Variants in EXT1 observed in about 807,000 individuals in gnomAD.
The protein encoded by EXT1 is exostosin glycosyltransferase 1, also known as exostosin-1.
A neutral mutation model predicts 82.5 loss-of-function variants in EXT1; 20 were observed. The ratio of observed to expected loss-of-function variants is 0.24; its 90% CI spans 0.17 to 0.35. EXT1 has a LOEUF of 0.35. EXT1 is among the 10% of genes least tolerant of loss of function. The pLI, the probability that EXT1 is intolerant of heterozygous loss-of-function variation, is 1.00. For synonymous variants in EXT1, 348 were observed against 350.8 expected (o/e 0.99, Z 0.09); for missense variants, 757 against 936.5 (o/e 0.81, Z 2.50).
intron 1 of EXT1, among the ~76,000 whole-genome samples, chr8:118,085,246 C>T (rs914143698): frequency 5.3e-5 from 8 of 152,142 alleles, no homozygotes; most frequent in African/African-American, 1.7e-4. Flanking sequence ...TGGTGTCTGT[C>T]CTCTCTCCCA....
At chr8:117,833,576 T>C (rs1009650646) in intron 3 of EXT1, among the ~76,000 whole-genome samples, 3 of 150,760 alleles carry the variant, frequency 2.0e-5, no homozygotes, top group East Asian at 2.0e-4. Context: ...GATCATGCCA[T>C]GGCACTCCAG....
At chr8:117,991,111 C>CT (rs771949980) in intron 1 of EXT1, among the ~76,000 whole-genome samples, 8,636 of 143,730 alleles carry the variant, frequency 0.06, 812 homozygotes, top group African/African-American at 0.2. Flanking sequence ...ACTTCGATGT[C>CT]TTTTTTTTTT....
intron 1 of EXT1, among the ~76,000 whole-genome samples, chr8:117,980,426 G>T (rs919912486): frequency 2.6e-5 from 4 of 152,148 alleles, no homozygotes; most frequent in Non-Finnish European, 5.9e-5. Flanking sequence ...ATTTCACTTG[G>T]AAGGAGACCT....
At chr8:118,009,485 T>C (rs77874429) in intron 1 of EXT1, among the ~76,000 whole-genome samples, 4 of 143,752 alleles carry the variant, frequency 2.8e-5, no homozygotes, top group Non-Finnish European at 4.7e-5. Flanking sequence ...TGGCCAACAT[T>C]TCCAGACTCC....
At chr8:117,885,831 C>G (rs1813138171) in intron 1 of EXT1, among the ~76,000 whole-genome samples, 1 of 152,150 alleles carries the variant, frequency 6.6e-6, no homozygotes, top group South Asian at 2.1e-4. Flanking sequence ...ACATGTACAC[C>G]TGGGGGCTTC....
chr8:118,081,790 C>A (rs1321683030), intron 1 of EXT1, among the ~76,000 whole-genome samples: 1 of 152,170 alleles, frequency 6.6e-6, no homozygotes, highest in Non-Finnish European at 1.5e-5. Context: ...GCCCTCCTAC[C>A]ACTAATGTAT....
chr8:118,065,074 T>A (rs182476319), intron 1 of EXT1, among the ~76,000 whole-genome samples: 173 of 151,944 alleles, frequency 1.1e-3, no homozygotes, highest in African/African-American at 4.0e-3. Flanking sequence ...GCTAGTCTTG[T>A]ACTCCTGACC....
chr8:118,000,587 C>A (rs548032214), intron 1 of EXT1, among the ~76,000 whole-genome samples: 9 of 152,314 alleles, frequency 5.9e-5, no homozygotes, highest in African/African-American at 2.2e-4. Context: ...TAACATGCCC[C>A]AGCAAGCAAT....
chr8:117,819,451 G>A (rs1811884198), intron 6 of EXT1, among the ~76,000 whole-genome samples: 1 of 152,144 alleles, frequency 6.6e-6, no homozygotes, highest in African/African-American at 2.4e-5. Context: ...CAGTGCTAAG[G>A]TCTCTCTGTA....
chr8:118,096,240 T>C (rs568522640), intron 1 of EXT1, among the ~76,000 whole-genome samples: 1 of 152,360 alleles, frequency 6.6e-6, no homozygotes, highest in East Asian at 1.9e-4. Flanking sequence ...ATAAATTATT[T>C]GGATTTGTGT....
chr8:117,960,231 ATAAAT>A (rs1240086167), intron 1 of EXT1, among the ~76,000 whole-genome samples: 4 of 152,284 alleles, frequency 2.6e-5, no homozygotes, highest in African/African-American at 9.6e-5. Context: ...ACATAAATAA[ATAAAT>A]TAAATAAAAT....
chr8:117,859,509 G>T (rs953925324), intron 1 of EXT1, among the ~76,000 whole-genome samples: 1 of 152,180 alleles, frequency 6.6e-6, no homozygotes, highest in Non-Finnish European at 1.5e-5. Context: ...GTGAATCCTT[G>T]TAGGGTAGTG....
intron 1 of EXT1, among the ~76,000 whole-genome samples, chr8:117,955,811 C>T (rs1027509388): frequency 5.3e-5 from 8 of 152,144 alleles, no homozygotes; most frequent in Admixed American, 2.6e-4. Flanking sequence ...CCTGCCTTAG[C>T]CTCCCCAAGT....
At chr8:117,802,071 G>A (rs1047540203) in intron 10 of EXT1, among the ~76,000 whole-genome samples, 6 of 152,028 alleles carry the variant, frequency 3.9e-5, no homozygotes, top group Non-Finnish European at 5.9e-5. Flanking sequence ...TTACTTTACC[G>A]GTCATACAAA....
At chr8:117,850,358 C>G (rs747519705) in intron 1 of EXT1, among the ~76,000 whole-genome samples, 5 of 152,188 alleles carry the variant, frequency 3.3e-5, no homozygotes, top group Admixed American at 6.5e-5. Context: ...TCACAAACTG[C>G]CTTCCTCAGG....
At chr8:117,975,670 T>G (rs1815049115) in intron 1 of EXT1, among the ~76,000 whole-genome samples, 1 of 152,200 alleles carries the variant, frequency 6.6e-6, no homozygotes, top group Non-Finnish European at 1.5e-5. Flanking sequence ...AACAATGGTT[T>G]TCATTTTCTG....
chr8:117,905,222 C>T (rs1325816537), intron 1 of EXT1, among the ~76,000 whole-genome samples: 1 of 152,146 alleles, frequency 6.6e-6, no homozygotes, highest in African/African-American at 2.4e-5. Flanking sequence ...TGTTGGCTGA[C>T]CGTGGGCAAG....
At chr8:117,815,163 C>T (rs796921694) in intron 7 of EXT1, among the ~76,000 whole-genome samples, 4 of 152,222 alleles carry the variant, frequency 2.6e-5, no homozygotes, top group African/African-American at 4.8e-5. Context: ...CACTGACTAA[C>T]GCAGAAACCA....
At chr8:117,971,371 C>T (rs1015639794) in intron 1 of EXT1, among the ~76,000 whole-genome samples, 1 of 152,168 alleles carries the variant, frequency 6.6e-6, no homozygotes, top group Non-Finnish European at 1.5e-5. Context: ...CCATAAAACA[C>T]AGCCGGGACT....
Sources: allele counts gnomAD v4.1 joint callset (sites outside exome capture counted in the v4.1 genomes callset), GRCh38; gene constraint gnomAD v4.1.1; transcripts MANE v1.5; gene names NCBI Gene and HGNC (gene_info 2026-07-23, HGNC 2026-07-21).